CFAP300: variants seen among roughly 807,000 people sequenced by gnomAD.
CFAP300 encodes the protein cilia and flagella associated protein 300.
Under a neutral mutation model 33.0 loss-of-function variants are expected in CFAP300, and 32 were observed. That is an observed-to-expected ratio of 0.97 (90% confidence interval 0.73 to 1.30). CFAP300 has a LOEUF of 1.30. Among genes scored for constraint, CFAP300 ranks in the 50% most tolerant of loss-of-function variants. The pLI, the probability that CFAP300 is intolerant of heterozygous loss-of-function variation, is 0.00. For synonymous variants in CFAP300, 102 were observed against 106.8 expected (o/e 0.95, Z 0.28); for missense variants, 356 against 318.1 (o/e 1.12, Z -0.90).
At chr11:102,053,766 A>T (rs2135014439) in intron 2 of CFAP300, among the ~76,000 whole-genome samples, 1 of 152,334 alleles carries the variant, frequency 6.6e-6, no homozygotes, top group Admixed American at 6.5e-5. Flanking sequence ...CTGCCCTTAG[A>T]TCAAAATACT....
chr11:102,048,591 T>G (rs1332995334), intron 2 of CFAP300, among the ~76,000 whole-genome samples: 1 of 152,126 alleles, frequency 6.6e-6, no homozygotes, highest in Non-Finnish European at 1.5e-5. Context: ...TTACTTTCGA[T>G]TTTTTTCTCA....
chr11:102,047,678 TCTGAGTGAACCCTGAGGCTTC>T (rs1023249981), intron 1 of CFAP300, 98 bp downstream of exon 1: 1,566 of 1,461,520 alleles, frequency 1.1e-3, no homozygotes, highest in Non-Finnish European at 1.2e-3. Context: ...TCGGCGCCAT[TCTGAGTGAACCCTGAGGCTTC>T]CTGAGTGAAC....
At chr11:102,055,957 C>G (rs887147377) in intron 2 of CFAP300, among the ~76,000 whole-genome samples, 1 of 152,128 alleles carries the variant, frequency 6.6e-6, no homozygotes, top group African/African-American at 2.4e-5. Flanking sequence ...GCATGAGCCA[C>G]CGCGCCCGGC....
rs1942505632 is a variant in CFAP300 at position 102,083,499 on chromosome 11, C to T, written c.*300C>T. ...TTGCATTGTGATTCAAGTGAATCCT[C>T]AATTTTCCATGTATTTTAATTTATA... On this transcript the variant is annotated 3_prime_UTR_variant, in exon 7 of 7. Transcript: ENST00000434758. The T allele has an allele frequency of 5.6e-6, 1 of 179,794 alleles. No homozygotes were observed. Among genetic ancestry groups the T allele is most frequent in the Admixed American group, 6.2e-5 (1 of 16,214 alleles). The allele number at this position is 179,794 out of a possible 1,614,324, so 11.1% of individuals were successfully genotyped here. A position where few individuals can be genotyped will look rare whatever the true frequency, so the allele number is the denominator to read the frequency against.
At chr11:102,061,746 C>T (rs930321374) in intron 3 of CFAP300, among the ~76,000 whole-genome samples, 4 of 152,212 alleles carry the variant, frequency 2.6e-5, no homozygotes, top group African/African-American at 9.7e-5. Flanking sequence ...CTTCACTCTC[C>T]TGCCTCTGTC....
chr11:102,052,514 GAAA>G (rs934993793), intron 2 of CFAP300, among the ~76,000 whole-genome samples: 17 of 151,932 alleles, frequency 1.1e-4, no homozygotes, highest in African/African-American at 4.1e-4. Flanking sequence ...ATACCTTTTT[GAAA>G]AAAATGTGTT....
intron 2 of CFAP300, among the ~76,000 whole-genome samples, chr11:102,049,336 T>C (rs1941934653): frequency 6.6e-6 from 1 of 152,200 alleles, no homozygotes; most frequent in South Asian, 2.1e-4. Flanking sequence ...TATGTCTGCA[T>C]CTCTTCTTCT....
At chr11:102,060,854 T>A (rs534509882) in intron 3 of CFAP300, among the ~76,000 whole-genome samples, 1 of 152,326 alleles carries the variant, frequency 6.6e-6, no homozygotes, top group African/African-American at 2.4e-5. Context: ...GGCTAAAGAC[T>A]ACTGCAAAAT....
intron 2 of CFAP300, among the ~76,000 whole-genome samples, chr11:102,055,876 A>G (rs1158965170): frequency 2.0e-5 from 3 of 150,754 alleles, no homozygotes; most frequent in Non-Finnish European, 4.4e-5. Flanking sequence ...TCACCGTGTT[A>G]GTCAGGATGG....
chr11:102,047,478 C>A lies in CFAP300; in HGVS notation c.8C>A (p.Thr3Asn), dbSNP rs1285800517. 2 of 1,535,942 alleles carry A rather than the reference C, an allele frequency of 1.3e-6. No individual in the cohort carries two copies. Among genetic ancestry groups the A allele is most frequent in the Non-Finnish European group, 1.7e-6 (2 of 1,146,740 alleles). The change falls in exon 1 of 7, where the codon ACT (threonine) becomes AAT (asparagine). Residue 3 changes from threonine to asparagine, a missense_variant. Physicochemically the swap from Thr to Asn is moderately conservative, Grantham distance 65. Transcript: ENST00000434758. ...CACCCAGCCGAGAGCACGATGGCTA[C>A]TGGGGAGCTCGGGGACTTGGGTGGC... is the stretch of plus-strand genomic sequence containing the variant. MA[T>N]GELGDLGGYY...
At chr11:102,057,905 G>C (rs1050012003) in intron 2 of CFAP300, 3 of 152,314 alleles carry the variant, frequency 2.0e-5, no homozygotes, top group Non-Finnish European at 4.4e-5. Flanking sequence ...ATTGGGCCTG[G>C]TTAGTACTTG....
Position 102,073,906 on chromosome 11 carries a change from G to A in CFAP300, c.436-1967G>A, listed in dbSNP as rs376528989. On this transcript the variant is annotated intron_variant, in intron 4 of 6. Coordinates refer to ENST00000434758, the MANE Select transcript of CFAP300 (RefSeq NM_032930.3). ...CCATCTTCAGGGAACATGCAAGTGC[G>A]TGGTAGACCTCCTGCTGGTGGTGGC... is the stretch of plus-strand genomic sequence containing the variant. Among the ~76,000 whole-genome samples the A allele has an allele frequency of 2.1e-4, 32 of 152,276 alleles. No individual in the cohort carries two copies. The East Asian group carries it at 2.3e-3, about 11-fold the overall frequency.
intron 2 of CFAP300, among the ~76,000 whole-genome samples, chr11:102,048,220 GTTTTATTTTATTTTA>G (rs969743063): frequency 6.6e-6 from 1 of 151,908 alleles, no homozygotes; most frequent in African/African-American, 2.4e-5. Flanking sequence ...ATTTTATTTT[GTTTTATTTTATTTTA>G]TTTACTTATT....
chr11:102,066,732 G>A lies in CFAP300; in HGVS notation c.435+81G>A. Reference sequence around the variant, plus strand: ...ATGGCAAAAACTTTGCCTGCTTAAAGCATAAAATACCTTGTCATAAAATAC... The same window carrying A: ...ATGGCAAAAACTTTGCCTGCTTAAAACATAAAATACCTTGTCATAAAATAC... On this transcript the variant is annotated intron_variant, in intron 4 of 6. Transcript: ENST00000434758. 5.0e-6 allele frequency: 6 copies of A among 1,195,750 alleles called. No individual in the cohort carries two copies. In the South Asian group the frequency reaches 8.6e-5, roughly 17 times the overall value. 74.1% of individuals were successfully genotyped at this position (1,195,750 alleles called of 1,614,324 possible). A position where few individuals can be genotyped will look rare whatever the true frequency, so the allele number is the denominator to read the frequency against.
intron 4 of CFAP300, among the ~76,000 whole-genome samples, chr11:102,075,580 A>G (rs1023770090): frequency 1.6e-4 from 24 of 152,366 alleles, no homozygotes; most frequent in African/African-American, 5.8e-4. Flanking sequence ...TTGAGGTGAC[A>G]TAACACTAAA....
intron 6 of CFAP300, among the ~76,000 whole-genome samples, chr11:102,081,674 C>T (rs1942474772): frequency 6.6e-6 from 1 of 152,004 alleles, no homozygotes; most frequent in Non-Finnish European, 1.5e-5. Context: ...AGGCAGATCA[C>T]GAGCTCAGGA....
chr11:102,047,650 T>C, intron 1 of CFAP300, 70 bp downstream of exon 1: 1 of 1,485,592 alleles, frequency 6.7e-7, no homozygotes, highest in South Asian at 1.2e-5. Context: ...AGGCCGGGCG[T>C]CGAGGGGCCC....
At chr11:102,066,428 T>G in intron 3 of CFAP300, 57 bp from the exon 4 acceptor site, 1 of 1,292,960 alleles carries the variant, frequency 7.7e-7, no homozygotes. Context: ...TTGGAAATAG[T>G]TGAGAATACT....
chr11:102,059,251 A>C (rs576832010), intron 3 of CFAP300, among the ~76,000 whole-genome samples: 1 of 151,752 alleles, frequency 6.6e-6, no homozygotes, highest in South Asian at 2.1e-4. Flanking sequence ...AAATAAGAAA[A>C]CCTGTACTAA....
Sources: allele counts gnomAD v4.1 joint callset (sites outside exome capture counted in the v4.1 genomes callset), GRCh38; gene constraint gnomAD v4.1.1; transcripts MANE v1.5; gene names NCBI Gene and HGNC (gene_info 2026-07-23, HGNC 2026-07-21).